Variants in TLL2 observed in about 807,000 individuals in gnomAD.
TLL2 encodes the protein tolloid like 2, also known as tolloid-like protein 2.
Under a neutral mutation model 123.0 loss-of-function variants are expected in TLL2, and 106 were observed. That is an observed-to-expected ratio of 0.86 (90% CI 0.74 to 1.01). The LOEUF is 1.01. TLL2 is among the 50% of genes least tolerant of loss of function. The pLI is 0.00. For missense variants in TLL2, 1,332 were observed against 1,336.7 expected, an observed-to-expected ratio of 1.00 and a Z score of 0.06; for synonymous variants, 494 against 516.8, an observed-to-expected ratio of 0.96 and a Z score of 0.60.
intron 3 of TLL2, among the ~76,000 whole-genome samples, chr10:96,436,060 C>G (rs764700736): frequency 1.3e-5 from 2 of 152,080 alleles, no homozygotes; most frequent in Non-Finnish European, 2.9e-5. Flanking sequence ...ACCTATTCTT[C>G]ATGGTAGGGG....
chr10:96,397,732 G>C (rs943491027), intron 10 of TLL2, among the ~76,000 whole-genome samples: 2 of 152,140 alleles, frequency 1.3e-5, no homozygotes, highest in African/African-American at 4.8e-5. Flanking sequence ...GGGATGCCAG[G>C]GAAAACACAG....
At chr10:96,496,427 C>T (rs1564919328) in intron 1 of TLL2, among the ~76,000 whole-genome samples, 5 of 151,740 alleles carry the variant, frequency 3.3e-5, no homozygotes, top group Admixed American at 2.6e-4. Context: ...CCTAGGAGAG[C>T]GCCCTACACA....
chr10:96,494,012 G>A (rs2064285336), intron 1 of TLL2, among the ~76,000 whole-genome samples: 1 of 152,208 alleles, frequency 6.6e-6, no homozygotes, highest in African/African-American at 2.4e-5. Context: ...GCCCTGCACA[G>A]GATGCTGGTC....
At chr10:96,439,687 G>A (rs143805370) in intron 3 of TLL2, among the ~76,000 whole-genome samples, 49 of 152,140 alleles carry the variant, frequency 3.2e-4, no homozygotes, top group South Asian at 6.2e-4. Flanking sequence ...CTTGTATAAC[G>A]GGTTCCTACT....
intron 4 of TLL2, among the ~76,000 whole-genome samples, chr10:96,431,274 T>TTA (rs397777711): frequency 6.6e-5 from 10 of 152,016 alleles, no homozygotes; most frequent in South Asian, 6.2e-4. Flanking sequence ...TCATCTTTTT[T>TTA]ACCACCAATC....
At chr10:96,504,915 G>A (rs1356987196) in intron 1 of TLL2, among the ~76,000 whole-genome samples, 1 of 152,242 alleles carries the variant, frequency 6.6e-6, no homozygotes, top group East Asian at 1.9e-4. Flanking sequence ...GGCTGAGGCA[G>A]GAGAATGGCG....
chr10:96,423,892 T>G (rs540433482), intron 5 of TLL2, among the ~76,000 whole-genome samples: 2 of 152,296 alleles, frequency 1.3e-5, no homozygotes, highest in Admixed American at 1.3e-4. Flanking sequence ...GCAACCTAAG[T>G]GTCCATCAGC....
chr10:96,370,418 A>G (rs1359087606), intron 19 of TLL2, 103 bp from the exon 20 acceptor site: 25 of 1,412,716 alleles, frequency 1.8e-5, no homozygotes, highest in Non-Finnish European at 2.8e-6. Context: ...CGTGCCTGGC[A>G]GGAGAGGCCA....
At chr10:96,443,417 TGGAGA>T (rs1452539563) in intron 3 of TLL2, among the ~76,000 whole-genome samples, 1 of 152,142 alleles carries the variant, frequency 6.6e-6, no homozygotes, top group Non-Finnish European at 1.5e-5. Context: ...ACAGTCTGCA[TGGAGA>T]GCAGGGCCAC....
intron 1 of TLL2, among the ~76,000 whole-genome samples, chr10:96,507,540 G>A (rs192570969): frequency 8.5e-5 from 13 of 152,062 alleles, no homozygotes; most frequent in African/African-American, 2.4e-4. Flanking sequence ...GAAGTGCTGT[G>A]AGCACCTGCT....
intron 13 of TLL2, among the ~76,000 whole-genome samples, chr10:96,394,480 G>T (rs1450390193): frequency 3.3e-5 from 5 of 152,190 alleles, no homozygotes; most frequent in Admixed American, 6.5e-5. Flanking sequence ...GCCATTCTGG[G>T]CCTGGTTCCA....
chr10:96,412,290 G>T (rs1846514638), intron 8 of TLL2, among the ~76,000 whole-genome samples: 1 of 152,136 alleles, frequency 6.6e-6, no homozygotes, highest in African/African-American at 2.4e-5. Context: ...TTCTAAGACG[G>T]TCCTCACTTC....
intron 5 of TLL2, among the ~76,000 whole-genome samples, chr10:96,422,973 T>C (rs4919016): frequency 0.33 from 49,716 of 151,746 alleles, 8,199 homozygotes; most frequent in Non-Finnish European, 0.36. Context: ...ACTGAAAATA[T>C]AAAAATTAGC....
chr10:96,405,929 A>G (rs1461355467), intron 9 of TLL2, among the ~76,000 whole-genome samples: 2 of 152,206 alleles, frequency 1.3e-5, no homozygotes, highest in Non-Finnish European at 2.9e-5. Context: ...TCAGTAAGAC[A>G]GGGTCCTTTG....
chr10:96,405,961 G>C (rs761259329), intron 9 of TLL2, among the ~76,000 whole-genome samples: 45 of 152,278 alleles, frequency 3.0e-4, no homozygotes, highest in South Asian at 8.3e-4. Context: ...CCCAGAGAAG[G>C]GGGGAAAGGC....
chr10:96,445,306 C>A (rs1453879064), intron 3 of TLL2, among the ~76,000 whole-genome samples: 1 of 152,232 alleles, frequency 6.6e-6, no homozygotes, highest in Non-Finnish European at 1.5e-5. Flanking sequence ...AGCAGCCCCT[C>A]TCCTCCAGCA....
intron 1 of TLL2, among the ~76,000 whole-genome samples, chr10:96,486,504 G>A (rs4917739): frequency 0.49 from 74,104 of 151,974 alleles, 18,338 homozygotes; most frequent in East Asian, 0.73. Flanking sequence ...AGACACTCTG[G>A]CTCCTCATCG....
At chr10:96,459,699 A>C (rs1192156881) in intron 2 of TLL2, among the ~76,000 whole-genome samples, 1 of 53,796 alleles carries the variant, frequency 1.9e-5, no homozygotes, top group Non-Finnish European at 3.5e-5. Context: ...AAAAAAAAAA[A>C]AAAAAAATAT....
chr10:96,427,035 C>G (rs766199256), intron 5 of TLL2, among the ~76,000 whole-genome samples: 18 of 152,090 alleles, frequency 1.2e-4, no homozygotes, highest in Non-Finnish European at 2.6e-4. Context: ...TTAGCTATAT[C>G]TCTTTTATTT....
Sources: gnomAD v4.1 joint callset for allele counts (sites outside exome capture counted in the v4.1 genomes callset) on GRCh38, gnomAD v4.1.1 for gene constraint, MANE v1.5 for transcripts, NCBI Gene and HGNC (gene_info 2026-07-23, HGNC 2026-07-21) for gene names.